The following SMCHD1 variants were observed in gnomAD, a reference collection of about 807,000 sequenced individuals.
SMCHD1 encodes the protein structural maintenance of chromosomes flexible hinge domain-containing protein 1.
In SMCHD1, 78 loss-of-function variants were observed where a neutral mutation model predicts 254.7. The observed-to-expected ratio is 0.31, with a 90% confidence interval of 0.26 to 0.37. The LOEUF (loss-of-function observed/expected upper bound fraction) is 0.37. Among genes scored for constraint, SMCHD1 ranks in the 10% least tolerant of loss-of-function variants. The pLI, the probability that SMCHD1 is intolerant of heterozygous loss-of-function variation, is 1.00. For missense variants in SMCHD1, 1,840 were observed against 2,408.1 expected (o/e 0.76, Z 4.94); for synonymous variants, 766 against 794.9 (o/e 0.96, Z 0.61).
At chr18:2,701,285 C>CT (rs2074396296) in intron 12 of SMCHD1, 1 of 157,940 alleles carries the variant, frequency 6.3e-6, no homozygotes, top group African/African-American at 2.4e-5. Flanking sequence ...CTCAGCCTCC[C>CT]AAATAACTGG....
At chr18:2,704,035 C>G (rs1287072478) in intron 13 of SMCHD1, 149 bp downstream of exon 13, 12 of 517,232 alleles carry the variant, frequency 2.3e-5, no homozygotes, top group Non-Finnish European at 3.2e-5. Context: ...TATTCAGACT[C>G]TTCACAGGCC....
At chr18:2,682,488 A>C (rs568443628) in intron 5 of SMCHD1, among the ~76,000 whole-genome samples, 1 of 152,030 alleles carries the variant, frequency 6.6e-6, no homozygotes, top group South Asian at 2.1e-4. Flanking sequence ...ACTCCTGAAA[A>C]ATTTTGTACT....
intron 47 of SMCHD1, chr18:2,801,160 T>C (rs1259420891): frequency 6.6e-6 from 1 of 152,200 alleles, no homozygotes; most frequent in Non-Finnish European, 1.5e-5. Context: ...GAGGATTTCC[T>C]AGGGATGAAT....
chr18:2,667,019 C>T lies in SMCHD1; in HGVS notation c.412C>T (p.Gln138Ter). The T allele has an allele frequency of 6.3e-7, 1 of 1,582,152 alleles. No individual in the cohort carries two copies. The highest frequency in any genetic ancestry group is 1.1e-5 in the South Asian group (1 of 87,540). The change falls in exon 3 of 48, where the codon CAA becomes TAA. Residue 138 changes from glutamine (Q) to a stop codon, truncating the protein, a stop_gained. Coordinates refer to ENST00000320876, the MANE Select transcript of SMCHD1 (RefSeq NM_015295.3). LOFTEE classifies it high-confidence loss of function. ...GMYEYYASEGQNPLPFALAEL... is the reference protein window; with the variant it reads ...GMYEYYASEG Reference sequence around the variant, plus strand: ...GTATGAATATTATGCCAGTGAAGGACAAAATCCTTTGCGTAAGTATCCCAT... The same window carrying T: ...GTATGAATATTATGCCAGTGAAGGATAAAATCCTTTGCGTAAGTATCCCAT...
At chr18:2,722,159 C>G (rs1383582923) in intron 19 of SMCHD1, among the ~76,000 whole-genome samples, 1 of 152,074 alleles carries the variant, frequency 6.6e-6, no homozygotes, top group Admixed American at 6.5e-5. Context: ...AAAGCTCTTT[C>G]CTATGAAAAG....
chr18:2,711,686 T>G (rs1305215768), intron 17 of SMCHD1, among the ~76,000 whole-genome samples: 3 of 151,044 alleles, frequency 2.0e-5, no homozygotes, highest in Non-Finnish European at 3.0e-5. Context: ...GTTTCACCGT[T>G]TTAGCCGGGA....
chr18:2,779,199 A>G (rs529465688), intron 44 of SMCHD1: 1 of 74,322 alleles, frequency 1.3e-5, no homozygotes, highest in East Asian at 2.9e-4. Context: ...AAACAACAAC[A>G]TATTAGTCCT....
chr18:2,716,047 A>G (rs1430098678), intron 17 of SMCHD1, among the ~76,000 whole-genome samples: 3 of 152,026 alleles, frequency 2.0e-5, no homozygotes, highest in Admixed American at 6.5e-5. Context: ...TTGAATTTAC[A>G]TTTGTTGGGG....
At chr18:2,770,952 A>G (rs753226365) in intron 39 of SMCHD1, among the ~76,000 whole-genome samples, 6 of 152,170 alleles carry the variant, frequency 3.9e-5, no homozygotes, top group Non-Finnish European at 7.3e-5. Context: ...ATAATGTTTC[A>G]TATAATTGAA....
At chr18:2,702,043 A>C (rs879391432) in intron 12 of SMCHD1, among the ~76,000 whole-genome samples, 2 of 152,118 alleles carry the variant, frequency 1.3e-5, no homozygotes, top group Non-Finnish European at 2.9e-5. Context: ...ATTCATTTAT[A>C]ATATGGTGTT....
chr18:2,723,353 C>T (rs979960090), intron 20 of SMCHD1, among the ~76,000 whole-genome samples: 2 of 151,908 alleles, frequency 1.3e-5, no homozygotes, highest in Non-Finnish European at 2.9e-5. Context: ...CTAGAGATAT[C>T]TGGTTATTGG....
chr18:2,769,669 C>T, intron 37 of SMCHD1, 25 bp from the exon 38 acceptor site: 2 of 1,574,060 alleles, frequency 1.3e-6, no homozygotes, highest in Non-Finnish European at 8.6e-7. Context: ...TCTTGTTTTC[C>T]CCTATTGTTT....
At chr18:2,796,384 T>C (rs2076264379) in intron 46 of SMCHD1, 23 bp from the exon 47 acceptor site, 1 of 1,391,670 alleles carries the variant, frequency 7.2e-7, no homozygotes, top group Non-Finnish European at 9.9e-7. Context: ...AAATTTAACT[T>C]TCTACATTTT....
At chr18:2,710,602 T>C (rs1324512721) in intron 17 of SMCHD1, among the ~76,000 whole-genome samples, 1 of 152,250 alleles carries the variant, frequency 6.6e-6, no homozygotes, top group African/African-American at 2.4e-5. Flanking sequence ...TTTTCATATA[T>C]GAACATGTCA....
At chr18:2,656,384 T>G in intron 1 of SMCHD1, 123 bp downstream of exon 1, 4 of 920,852 alleles carry the variant, frequency 4.3e-6, no homozygotes, top group Non-Finnish European at 5.8e-6. Context: ...CGGCCTTGGC[T>G]TCCCTCTCCC....
At chr18:2,662,998 A>AT (rs1165844152) in intron 1 of SMCHD1, among the ~76,000 whole-genome samples, 3 of 152,212 alleles carry the variant, frequency 2.0e-5, no homozygotes, top group African/African-American at 7.2e-5. Context: ...TGGGCTCAGA[A>AT]TTTAACATTT....
intron 14 of SMCHD1, 57 bp from the exon 15 acceptor site, chr18:2,706,307 T>TA: frequency 8.1e-7 from 1 of 1,238,010 alleles, no homozygotes. Flanking sequence ...TGTTTGTTTT[T>TA]ATTACAGCTA....
At chr18:2,682,607 C>G (rs992272198) in intron 5 of SMCHD1, among the ~76,000 whole-genome samples, 1 of 152,244 alleles carries the variant, frequency 6.6e-6, no homozygotes, top group Non-Finnish European at 1.5e-5. Flanking sequence ...TGGGCGTGAG[C>G]CACCGCGCCC....
chr18:2,657,158 C>T (rs2073094131), intron 1 of SMCHD1, among the ~76,000 whole-genome samples: 1 of 152,160 alleles, frequency 6.6e-6, no homozygotes, highest in Non-Finnish European at 1.5e-5. Flanking sequence ...CGTGTTTTGT[C>T]GTGAGGCTGA....
Sources: allele counts gnomAD v4.1 joint callset (sites outside exome capture counted in the v4.1 genomes callset), GRCh38; gene constraint gnomAD v4.1.1; transcripts MANE v1.5; gene names NCBI Gene and HGNC (gene_info 2026-07-23, HGNC 2026-07-21).